The following TMEM177 variants were observed in gnomAD, a reference collection of about 807,000 sequenced individuals.
TMEM177 encodes transmembrane protein 177.
TMEM177 carries 4 observed loss-of-function variants against 14.2 expected under a neutral mutation model. That is an observed-to-expected ratio of 0.28 (90% CI 0.14 to 0.64). The LOEUF (loss-of-function observed/expected upper bound fraction) is 0.64, where lower values mean the gene tolerates loss of function less well. Among genes scored for constraint, TMEM177 ranks in the 30% least tolerant of loss-of-function variants. The probability of loss-of-function intolerance (pLI) is 0.82; values close to 1 mark genes in which losing one functional copy is unlikely to be tolerated. For synonymous variants in TMEM177, 179 were observed against 174.5 expected, an observed-to-expected ratio of 1.03 and a Z score of -0.20; for missense variants, 344 against 405.2, an observed-to-expected ratio of 0.85 and a Z score of 1.30.
the TMEM177 span, among the ~76,000 whole-genome samples, chr2:119,705,587 G>A: frequency 2.0e-5 from 3 of 149,198 alleles, no homozygotes; most frequent in South Asian, 2.1e-4. Context: ...CAGCACATAC[G>A]AGTTACTCTC....
chr2:119,680,371 GGTAAGAGTGC>G (rs1371554117), intron 1 of TMEM177, among the ~76,000 whole-genome samples: 1 of 152,108 alleles, frequency 6.6e-6, no homozygotes, highest in Non-Finnish European at 1.5e-5. Flanking sequence ...GGGTTCAATC[GGTAAGAGTGC>G]TCAGAACTGA....
the TMEM177 span, among the ~76,000 whole-genome samples, chr2:119,714,497 G>T: frequency 6.6e-6 from 1 of 152,178 alleles, no homozygotes; most frequent in African/African-American, 2.4e-5. Flanking sequence ...GTGGCCCTGA[G>T]AAAAATATAG....
chr2:119,707,926 C>T, the TMEM177 span, among the ~76,000 whole-genome samples: 2 of 152,328 alleles, frequency 1.3e-5, no homozygotes, highest in South Asian at 2.1e-4. Context: ...CTGTCTACCT[C>T]GGGTAGTGTC....
chr2:119,697,078 C>T, the TMEM177 span, among the ~76,000 whole-genome samples: 1 of 152,182 alleles, frequency 6.6e-6, no homozygotes, highest in Non-Finnish European at 1.5e-5. Context: ...CTGACAGTTC[C>T]AGCACACCTT....
chr2:119,713,139 G>A, the TMEM177 span, among the ~76,000 whole-genome samples: 2 of 151,072 alleles, frequency 1.3e-5, no homozygotes, highest in African/African-American at 4.9e-5. Flanking sequence ...GCGCAATCTT[G>A]GCTCACTGCA....
intron 1 of TMEM177, 47 bp from the exon 2 acceptor site, chr2:119,680,785 C>T (rs1228500445): frequency 1.4e-6 from 2 of 1,479,394 alleles, no homozygotes; most frequent in East Asian, 2.3e-5. Context: ...GTTCAGTCTG[C>T]AGGCTGACCC....
At chr2:119,719,198 C>T in the TMEM177 span, among the ~76,000 whole-genome samples, 1 of 152,188 alleles carries the variant, frequency 6.6e-6, no homozygotes, top group East Asian at 1.9e-4. Flanking sequence ...TGCCCCTTTC[C>T]AATCACTACC....
At chr2:119,720,308 CTT>C in the TMEM177 span, among the ~76,000 whole-genome samples, 8 of 150,738 alleles carry the variant, frequency 5.3e-5, no homozygotes, top group Non-Finnish European at 7.4e-5. Context: ...GAGTTTCCCT[CTT>C]GTTACCCAGG....
the TMEM177 span, among the ~76,000 whole-genome samples, chr2:119,710,480 G>T: frequency 1.3e-5 from 2 of 152,172 alleles, no homozygotes; most frequent in African/African-American, 2.4e-5. Context: ...AGGTTTCCTG[G>T]CCTGTCTACC....
the TMEM177 span, among the ~76,000 whole-genome samples, chr2:119,698,126 A>G: frequency 6.6e-6 from 1 of 152,146 alleles, no homozygotes; most frequent in African/African-American, 2.4e-5. Context: ...TTTGCAGGCA[A>G]AGTCTCCCCG....
At chr2:119,693,472 G>T in the TMEM177 span, among the ~76,000 whole-genome samples, 1 of 152,150 alleles carries the variant, frequency 6.6e-6, no homozygotes, top group African/African-American at 2.4e-5. Flanking sequence ...TTTGGAGAAG[G>T]AGCGTCTGCA....
chr2:119,716,373 A>T, the TMEM177 span, among the ~76,000 whole-genome samples: 2 of 152,216 alleles, frequency 1.3e-5, no homozygotes, highest in African/African-American at 2.4e-5. Context: ...CTCTGCAGTG[A>T]AAGATTATTT....
In TMEM177 at chr2:119,680,988, C is replaced by T. The variant is rs1199276932; in HGVS notation, c.135C>T (p.Leu45=). Residue 45 remains leucine, a synonymous_variant, in exon 2 of 2, where the codon CTC becomes CTT. Coordinates refer to ENST00000272521, the MANE Select transcript of TMEM177 (RefSeq NM_030577.3). ...HLFPDPVVQW[L]YQYWPQGQPA... ...TCCCGGATCCCGTGGTCCAATGGCT[C>T]TACCAGTACTGGCCTCAGGGCCAGC... The T allele has an allele frequency of 5.0e-6, 8 of 1,614,238 alleles. No homozygotes were observed. In the Admixed American group the frequency reaches 1.3e-4, roughly 27 times the overall value.
At chr2:119,719,765 GC>G in the TMEM177 span, among the ~76,000 whole-genome samples, 1 of 152,182 alleles carries the variant, frequency 6.6e-6, no homozygotes, top group Admixed American at 6.5e-5. Flanking sequence ...TTTGAGGGGT[GC>G]CCAAAATCTC....
the TMEM177 span, among the ~76,000 whole-genome samples, chr2:119,691,707 C>A: frequency 6.6e-6 from 1 of 152,084 alleles, no homozygotes; most frequent in East Asian, 1.9e-4. Flanking sequence ...TGTGGGGAGG[C>A]CCCAGAGGTC....
the TMEM177 span, among the ~76,000 whole-genome samples, chr2:119,713,826 C>A: frequency 6.6e-6 from 1 of 152,166 alleles, no homozygotes; most frequent in African/African-American, 2.4e-5. Context: ...AGAGTGAGGC[C>A]ATGTCTCCAA....
downstream of TMEM177, among the ~76,000 whole-genome samples, chr2:119,690,926 C>T (rs1574274972): frequency 1.3e-5 from 2 of 152,344 alleles, no homozygotes; most frequent in Non-Finnish European, 2.9e-5. Flanking sequence ...GCCCTTTTCC[C>T]CCACAGCAGG....
Position 119,680,947 on chromosome 2 carries a change from A to G in TMEM177, c.94A>G (p.Ile32Val), listed in dbSNP as rs13011768. Residue 32 changes from isoleucine (I) to valine (V), a missense_variant, in exon 2 of 2, where the codon ATC becomes GTC. Ile to Val is a conservative substitution (Grantham distance 29). Transcript: ENST00000272521. ...GSCAGLFGVP[I>V]SYHLFPDPVV... ...CTGTGCAGGCCTGTTTGGAGTTCCA[A>G]TCTCGTACCACCTCTTCCCGGATCC... The G allele has an allele frequency of 0.83, 1,344,155 of 1,614,060 alleles. 561,560 individuals carry two copies. Among genetic ancestry groups the G allele is most frequent in the South Asian group, 0.86 (78,125 of 91,078 alleles).
downstream of TMEM177, chr2:119,685,620 G>A (rs770528023): frequency 1.4e-6 from 1 of 716,834 alleles, no homozygotes; most frequent in Non-Finnish European, 2.6e-6. Context: ...TCCCAATTGG[G>A]GCATGTGGTT....
Sources: gnomAD v4.1 joint callset for allele counts (sites outside exome capture counted in the v4.1 genomes callset) on GRCh38, gnomAD v4.1.1 for gene constraint, MANE v1.5 for transcripts, NCBI Gene and HGNC (gene_info 2026-07-23, HGNC 2026-07-21) for gene names.